The following ZNF483 variants were observed in gnomAD, a reference collection of about 807,000 sequenced individuals.
ZNF483 encodes the protein zinc finger protein HIT-10.
A neutral mutation model predicts 28.6 loss-of-function variants in ZNF483; 9 were observed. That is an observed-to-expected ratio of 0.32 (90% CI 0.19 to 0.55). ZNF483 has a LOEUF of 0.55. Among genes scored for constraint, ZNF483 ranks in the 20% least tolerant of loss-of-function variants. The probability of loss-of-function intolerance (pLI) is 0.93; values close to 1 mark genes in which losing one functional copy is unlikely to be tolerated. For synonymous variants in ZNF483, 322 were observed against 306.2 expected, an observed-to-expected ratio of 1.05 and a Z score of -0.54; for missense variants, 675 against 871.7, an observed-to-expected ratio of 0.77 and a Z score of 2.84.
intron 5 of ZNF483, among the ~76,000 whole-genome samples, chr9:111,569,333 A>T (rs567908016): frequency 6.6e-6 from 1 of 152,314 alleles, no homozygotes. Context: ...GAGGAGGACC[A>T]ATCAGTGAGG....
At position 111,547,007 on chromosome 9, in the gene ZNF483, A is replaced by G. The variant is rs1451244196; in HGVS notation, c.*3837A>G. Among the ~76,000 whole-genome samples, 4 of 152,192 alleles carry G rather than the reference A, an allele frequency of 2.6e-5. No individual in the cohort carries two copies. The highest frequency in any genetic ancestry group is 5.9e-5 in the Non-Finnish European group (4 of 68,016). On this transcript the variant is annotated 3_prime_UTR_variant, in exon 6 of 6. Transcript: ENST00000309235. ...TCAAGGTTCGGCCGTGTTGTAGCAC[A>G]TATCAGAATTTAATTCCTTTTTAAG...
At chr9:111,578,000 T>TGG (rs547836676), downstream of ZNF483, among the ~76,000 whole-genome samples, 133 of 151,528 alleles carry the variant, frequency 8.8e-4, 3 homozygotes, top group South Asian at 1.3e-3. Flanking sequence ...TAGCGTTTTT[T>TGG]GGGGGGGGTG....
rs910320335 is a variant in ZNF483 at position 111,551,950 on chromosome 9, T to A, written c.*8780T>A. ...GCCATTTATTACATTTAAAATTTTGTGCATATTGTCTCATTTGAAAAATGT... is the reference window on the plus strand; with the variant it reads ...GCCATTTATTACATTTAAAATTTTGAGCATATTGTCTCATTTGAAAAATGT... On this transcript the variant is annotated 3_prime_UTR_variant, in exon 6 of 6. Transcript: ENST00000309235. Among the ~76,000 whole-genome samples the A allele has an allele frequency of 1.3e-5, 2 of 152,062 alleles. No homozygotes were observed. Among genetic ancestry groups the A allele is most frequent in the Non-Finnish European group, 2.9e-5 (2 of 67,964 alleles).
At position 111,575,095 on chromosome 9, in the gene ZNF483, G is replaced by A. The variant is rs541357121; in HGVS notation, c.722-1270G>A. On this transcript the variant is annotated intron_variant, in intron 5 of 5. Transcript: ENST00000358151. ...GTGGGTGGATCACCTGAGGTCAGGC[G>A]TTCCAGACCAGCCTGGCCAACATGG... Among the ~76,000 whole-genome samples, 204 of 152,266 alleles carry A rather than the reference G, an allele frequency of 1.3e-3. 1 individual carries two copies. The highest frequency in any genetic ancestry group is 4.5e-3 in the African/African-American group (187 of 41,556).
chr9:111,541,348 C>T (rs573582238), intron 5 of ZNF483, among the ~76,000 whole-genome samples: 1 of 152,124 alleles, frequency 6.6e-6, no homozygotes, highest in East Asian at 1.9e-4. Flanking sequence ...CTTGGCCTCC[C>T]AAAGTGCTGA....
intron 5 of ZNF483, among the ~76,000 whole-genome samples, chr9:111,571,140 G>A (rs1208821086): frequency 6.7e-6 from 1 of 149,878 alleles, no homozygotes; most frequent in Non-Finnish European, 1.5e-5. Flanking sequence ...GGGGTCGGGT[G>A]CGTGGCTCAT....
Position 111,541,704 on chromosome 9 carries a change from G to T in ZNF483, c.769G>T (p.Asp257Tyr), listed in dbSNP as rs1205812590. 5.0e-6 allele frequency: 8 copies of T among 1,613,930 alleles called. No individual in the cohort carries two copies. Among genetic ancestry groups the T allele is most frequent in the Non-Finnish European group, 6.8e-6 (8 of 1,179,988 alleles). Residue 257 changes from aspartate to tyrosine, a missense_variant, in exon 6 of 6, where the codon GAT becomes TAT. By Grantham distance (160) the Asp-to-Tyr change is radical. Coordinates refer to ENST00000309235, the MANE Select transcript of ZNF483 (RefSeq NM_133464.5). ...AATAGAAAGGTGCCTCAGGGATGAT[G>T]ATCATGGCTTGATGGAAGAATCCCA... ...KIIERCLRDD[D>Y]HGLMEESQQY... is the part of the protein sequence containing the mutation.
intron 2 of ZNF483, among the ~76,000 whole-genome samples, chr9:111,528,851 A>G (rs546932173): frequency 6.6e-6 from 1 of 152,304 alleles, no homozygotes; most frequent in Non-Finnish European, 1.5e-5. Context: ...CCTGCAATAA[A>G]GAATTGATTT....
chr9:111,538,664 A>G (rs555359617), intron 5 of ZNF483, among the ~76,000 whole-genome samples: 38 of 152,322 alleles, frequency 2.5e-4, no homozygotes, highest in African/African-American at 8.4e-4. Flanking sequence ...TAGTTCTAGC[A>G]GCACTGGTAT....
At chr9:111,555,695 C>T (rs961258387), downstream of ZNF483, among the ~76,000 whole-genome samples, 3 of 152,116 alleles carry the variant, frequency 2.0e-5, no homozygotes, top group African/African-American at 7.2e-5. Flanking sequence ...GTGCTACACA[C>T]TTCTAAACAA....
rs1349646160 is a variant in ZNF483, at chr9:111,549,890, CAT to C, written c.*6721_*6722del. 8 of 778,892 alleles carry C rather than the reference CAT, an allele frequency of 1.0e-5. No homozygotes were observed. Among genetic ancestry groups the C allele is most frequent in the South Asian group, 6.5e-5 (4 of 61,112 alleles). The allele number at this position is 778,892 out of a possible 1,614,324, so 48.2% of individuals were successfully genotyped here. A position where few individuals can be genotyped will look rare whatever the true frequency, so the allele number is the denominator to read the frequency against. ...TAGTGAGTCAATGTTTGGTCTTCCT[CAT>C]GTCCATTTTTTGTTGGTTTATTTTG... On this transcript the variant is annotated 3_prime_UTR_variant, in exon 6 of 6. Coordinates refer to ENST00000309235, the MANE Select transcript of ZNF483 (RefSeq NM_133464.5).
chr9:111,571,661 T>A (rs910030504), intron 5 of ZNF483, among the ~76,000 whole-genome samples: 31 of 82,492 alleles, frequency 3.8e-4, no homozygotes, highest in African/African-American at 8.3e-4. Context: ...TTAGTTTTTG[T>A]TTGTTTGTTT....
At chr9:111,562,271 GT>G (rs1828349782) in intron 5 of ZNF483, among the ~76,000 whole-genome samples, 1 of 144,032 alleles carries the variant, frequency 6.9e-6, no homozygotes, top group East Asian at 2.0e-4. Context: ...CACAGAAGCA[GT>G]AAACTTTTTT....
At chr9:111,533,263 T>C (rs1341732653) in intron 3 of ZNF483, among the ~76,000 whole-genome samples, 1 of 152,252 alleles carries the variant, frequency 6.6e-6, no homozygotes, top group Admixed American at 6.5e-5. Flanking sequence ...AGAGACTGAA[T>C]GGAAGAGGCA....
chr9:111,569,877 A>AT, intron 5 of ZNF483: 1 of 686,046 alleles, frequency 1.5e-6, no homozygotes, highest in Non-Finnish European at 2.4e-6. Flanking sequence ...ATGGACCTGC[A>AT]TTTGCAGTGG....
chr9:111,549,725 G>C lies in ZNF483; in HGVS notation c.*6555G>C. Reference sequence around the variant, plus strand: ...TGTAAAGTGGACCCTTGCCTTCTAAGGTAATGGTGAATGATACATATTCCC... The same window carrying C: ...TGTAAAGTGGACCCTTGCCTTCTAACGTAATGGTGAATGATACATATTCCC... On this transcript the variant is annotated 3_prime_UTR_variant, in exon 6 of 6. Coordinates refer to ENST00000309235, the MANE Select transcript of ZNF483 (RefSeq NM_133464.5). 6.5e-7 allele frequency: 1 copy of C among 1,548,494 alleles called. No homozygotes were observed.
At chr9:111,534,985 A>T (rs751861692) in intron 5 of ZNF483, among the ~76,000 whole-genome samples, 19 of 152,052 alleles carry the variant, frequency 1.2e-4, no homozygotes, top group Admixed American at 4.6e-4. Flanking sequence ...GGCCTCCCAA[A>T]GTGCTGGGAT....
rs1827799062 is a variant in ZNF483 at position 111,546,031 on chromosome 9, G to A, written c.*2861G>A. Among the ~76,000 whole-genome samples the A allele has an allele frequency of 6.6e-6, 1 of 152,094 alleles. No individual in the cohort carries two copies. Among genetic ancestry groups the A allele is most frequent in the South Asian group, 2.1e-4 (1 of 4,826 alleles). On this transcript the variant is annotated 3_prime_UTR_variant, in exon 6 of 6. Transcript: ENST00000309235. ...TTTTACATTCTGACTAGTAATGTGT[G>A]GGGCTTCCCATTTCTCTACAGTCTT...
rs1828074848 is a variant in ZNF483, at chr9:111,554,832, G to A, written c.*11662G>A. ...GGGGAGACCACTGTATTTTACCCAAGGGAGACAATCCAAAGTCTAATCTGC... is the reference window on the plus strand; with the variant it reads ...GGGGAGACCACTGTATTTTACCCAAAGGAGACAATCCAAAGTCTAATCTGC... On this transcript the variant is annotated 3_prime_UTR_variant, in exon 6 of 6. Coordinates refer to ENST00000309235, the MANE Select transcript of ZNF483 (RefSeq NM_133464.5). 6.6e-6 allele frequency among the ~76,000 whole-genome samples: 1 copy of A among 152,196 alleles called. No homozygotes were observed. Among genetic ancestry groups the A allele is most frequent in the Admixed American group, 6.5e-5 (1 of 15,284 alleles).
Sources: gnomAD v4.1 joint callset for allele counts (sites outside exome capture counted in the v4.1 genomes callset) on GRCh38, gnomAD v4.1.1 for gene constraint, MANE v1.5 for transcripts, NCBI Gene and HGNC (gene_info 2026-07-23, HGNC 2026-07-21) for gene names.